The following DOK6 variants were observed in gnomAD, a reference collection of about 807,000 sequenced individuals.
The protein encoded by DOK6 is downstream of tyrosine kinase 6.
In DOK6, 22 loss-of-function variants were observed where a neutral mutation model predicts 44.0. That is an observed-to-expected ratio of 0.50 (90% CI 0.36 to 0.71). The LOEUF (loss-of-function observed/expected upper bound fraction) is 0.71, where lower values mean the gene tolerates loss of function less well. Ranked by LOEUF, DOK6 falls within the 30% of genes least tolerant of loss-of-function variation. The probability of loss-of-function intolerance (pLI) is 0.00; values close to 1 mark genes in which losing one functional copy is unlikely to be tolerated. For synonymous variants in DOK6, 166 were observed against 145.5 expected (o/e 1.14, Z -1.01); for missense variants, 340 against 416.4 (o/e 0.82, Z 1.60).
intron 1 of DOK6, among the ~76,000 whole-genome samples, chr18:69,476,706 G>C (rs182986645): frequency 6.6e-6 from 1 of 152,230 alleles, no homozygotes; most frequent in East Asian, 1.9e-4. Flanking sequence ...GAGGAGAAGA[G>C]GTAGCAGGAA....
At chr18:69,742,078 G>A (rs1042751246) in intron 6 of DOK6, among the ~76,000 whole-genome samples, 1 of 152,100 alleles carries the variant, frequency 6.6e-6, no homozygotes, top group African/African-American at 2.4e-5. Flanking sequence ...GTCTGAATTA[G>A]GACATTTCTA....
At chr18:69,643,732 T>C (rs547814007) in intron 3 of DOK6, 1 of 152,212 alleles carries the variant, frequency 6.6e-6, no homozygotes, top group Admixed American at 6.5e-5. Flanking sequence ...AGGATTTATG[T>C]GGACATGTTT....
intron 1 of DOK6, among the ~76,000 whole-genome samples, chr18:69,512,267 C>T (rs777739404): frequency 1.3e-3 from 198 of 151,052 alleles, no homozygotes; most frequent in Non-Finnish European, 8.0e-4. Flanking sequence ...CTATCTTGAG[C>T]GTCATACTTT....
chr18:69,422,642 G>C (rs921151655), intron 1 of DOK6, among the ~76,000 whole-genome samples: 1 of 151,170 alleles, frequency 6.6e-6, no homozygotes, highest in Non-Finnish European at 1.5e-5. Context: ...TACCTTCTGT[G>C]GTCTCTTTCC....
chr18:69,578,446 G>T (rs529243855), intron 2 of DOK6, among the ~76,000 whole-genome samples: 2 of 151,484 alleles, frequency 1.3e-5, no homozygotes, highest in African/African-American at 4.9e-5. Flanking sequence ...ACTTTAGAAA[G>T]TTTTTGAGAG....
At chr18:69,616,174 C>T (rs1984279258) in intron 3 of DOK6, among the ~76,000 whole-genome samples, 1 of 152,178 alleles carries the variant, frequency 6.6e-6, no homozygotes, top group Non-Finnish European at 1.5e-5. Context: ...GGCTTCTCTT[C>T]CTGTTCCCAG....
intron 1 of DOK6, among the ~76,000 whole-genome samples, chr18:69,465,457 TC>T (rs1267266016): frequency 6.7e-6 from 1 of 149,376 alleles, no homozygotes; most frequent in South Asian, 2.1e-4. Flanking sequence ...CCCTCCCCGC[TC>T]CCCCCACCCC....
At chr18:69,478,737 C>A (rs1302123289) in intron 1 of DOK6, among the ~76,000 whole-genome samples, 1 of 152,116 alleles carries the variant, frequency 6.6e-6, no homozygotes, top group Non-Finnish European at 1.5e-5. Flanking sequence ...TAACATCTTC[C>A]ATTACCATGA....
At chr18:69,548,722 T>A (rs577435922) in intron 1 of DOK6, among the ~76,000 whole-genome samples, 1 of 151,776 alleles carries the variant, frequency 6.6e-6, no homozygotes, top group South Asian at 2.1e-4. Flanking sequence ...TATGGCTGCT[T>A]TTAAAATTTG....
At chr18:69,679,169 A>G (rs73467818) in intron 4 of DOK6, among the ~76,000 whole-genome samples, 2,040 of 152,218 alleles carry the variant, frequency 0.013, 49 homozygotes, top group African/African-American at 0.047. Context: ...GAGTGAGGCC[A>G]TATCTCAAAA....
At chr18:69,531,255 C>T (rs1468033752) in intron 1 of DOK6, among the ~76,000 whole-genome samples, 1 of 145,848 alleles carries the variant, frequency 6.9e-6, no homozygotes, top group Non-Finnish European at 1.5e-5. Flanking sequence ...ATAATATATA[C>T]TTACATATAT....
rs185503787 is a variant in DOK6 at position 69,512,436 on chromosome 18, C to T, written c.67-52051C>T. ...TTGGCTCACTGCAGCCTCCCCCTTC[C>T]GGGTTCATGCAATTCTCCTACCTCA... On this transcript the variant is annotated intron_variant, in intron 1 of 7. Coordinates refer to ENST00000382713, the MANE Select transcript of DOK6 (RefSeq NM_152721.6). Among the ~76,000 whole-genome samples, 6 of 149,920 alleles carry T rather than the reference C, an allele frequency of 4.0e-5. No individual in the cohort carries two copies. The East Asian group carries it at 7.8e-4, about 20-fold the overall frequency.
intron 2 of DOK6, among the ~76,000 whole-genome samples, chr18:69,568,631 T>G (rs185844529): frequency 9.2e-5 from 14 of 152,224 alleles, no homozygotes; most frequent in Admixed American, 4.6e-4. Context: ...TGTGGCCTGT[T>G]AGAAACCAGG....
intron 4 of DOK6, among the ~76,000 whole-genome samples, chr18:69,691,110 G>T (rs1436434506): frequency 2.6e-5 from 4 of 151,800 alleles, no homozygotes; most frequent in African/African-American, 9.7e-5. Flanking sequence ...ACTGCCTCAG[G>T]AGGCGGAGGT....
intron 3 of DOK6, among the ~76,000 whole-genome samples, chr18:69,667,536 T>C (rs1421828630): frequency 6.6e-6 from 1 of 152,194 alleles, no homozygotes; most frequent in Admixed American, 6.5e-5. Context: ...CTTTCCTTAT[T>C]AAGGTAGCTA....
At chr18:69,740,868 A>G (rs979770404) in intron 6 of DOK6, among the ~76,000 whole-genome samples, 3 of 152,252 alleles carry the variant, frequency 2.0e-5, no homozygotes, top group South Asian at 2.1e-4. Context: ...TTATGGCTAC[A>G]TAATATCCTT....
intron 7 of DOK6, among the ~76,000 whole-genome samples, chr18:69,837,003 T>C (rs1982072538): frequency 1.3e-5 from 2 of 152,218 alleles, no homozygotes; most frequent in Non-Finnish European, 2.9e-5. Flanking sequence ...GTGAATTATC[T>C]GTAAAGAAAC....
At chr18:69,788,270 G>T (rs866287650) in intron 7 of DOK6, among the ~76,000 whole-genome samples, 3 of 152,192 alleles carry the variant, frequency 2.0e-5, no homozygotes, top group Admixed American at 6.5e-5. Context: ...ACTAGAACTG[G>T]CACGTTACTA....
intron 5 of DOK6, among the ~76,000 whole-genome samples, chr18:69,737,496 A>T (rs1330727586): frequency 6.6e-6 from 1 of 152,136 alleles, no homozygotes; most frequent in East Asian, 1.9e-4. Flanking sequence ...ACAATTTGGG[A>T]TGAGATTTGG....
Sources: allele counts gnomAD v4.1 joint callset (sites outside exome capture counted in the v4.1 genomes callset), GRCh38; gene constraint gnomAD v4.1.1; transcripts MANE v1.5; gene names NCBI Gene and HGNC (gene_info 2026-07-23, HGNC 2026-07-21).